SH3BP4: variants seen among roughly 807,000 people sequenced by gnomAD.
The protein encoded by SH3BP4 is SH3 domain-binding protein 4.
Under a neutral mutation model 65.5 loss-of-function variants are expected in SH3BP4, and 33 were observed. The observed-to-expected ratio is 0.50, with a 90% CI of 0.38 to 0.67. The LOEUF is 0.67. SH3BP4 is among the 30% of genes least tolerant of loss of function. The pLI, the probability that SH3BP4 is intolerant of heterozygous loss-of-function variation, is 0.00. For missense variants in SH3BP4, 1,134 were observed against 1,261.4 expected (o/e 0.90, Z 1.53); for synonymous variants, 552 against 545.5 (o/e 1.01, Z -0.17).
At position 235,041,338 on chromosome 2, in the gene SH3BP4, T is replaced by C; in HGVS notation, c.569T>C (p.Val190Ala). The C allele has an allele frequency of 6.2e-7, 1 of 1,614,226 alleles. No individual in the cohort carries two copies. The highest frequency in any genetic ancestry group is 8.5e-7 in the Non-Finnish European group (1 of 1,180,042). Reference sequence around the variant, plus strand: ...GATGAGCTGAATCCCAAAAGTACTGTGGATTTGCTCCTTTTTGACGCAGGT... The same window carrying C: ...GATGAGCTGAATCCCAAAAGTACTGCGGATTTGCTCCTTTTTGACGCAGGT... ...SLDELNPKST[V>A]DLLLFDAGTS... The change falls in exon 4 of 6, where the codon GTG (valine) becomes GCG (alanine). Residue 190 changes from valine to alanine, a missense_variant. Val to Ala is a moderately conservative substitution (Grantham distance 64, BLOSUM62 0). Transcript: ENST00000392011. The surrounding 1 kb of genome is among the most constrained non-coding windows in gnomAD (Gnocchi z 6.0).
At chr2:235,044,821 G>A (rs530390430) in intron 4 of SH3BP4, among the ~76,000 whole-genome samples, 2 of 152,218 alleles carry the variant, frequency 1.3e-5, no homozygotes, top group Admixed American at 6.5e-5. Context: ...GGCAGGAGTC[G>A]GGTGAGACCC....
rs146167673 is a variant in SH3BP4, at chr2:235,034,821, C to A, written c.-132-50C>A. ...CACTTCCCATAAAATTACCATTGAA[C>A]CCATGTTTCGCTTGCTTAAGGGACT... On this transcript the variant is annotated intron_variant, in intron 2 of 5. Coordinates refer to ENST00000392011, the MANE Select transcript of SH3BP4 (RefSeq NM_014521.3). The surrounding 1 kb of genome is among the most constrained non-coding windows in gnomAD (Gnocchi z 6.2). 4.4e-4 allele frequency: 256 copies of A among 587,856 alleles called. No individual in the cohort carries two copies. Among genetic ancestry groups the A allele is most frequent in the African/African-American group, 4.3e-3 (232 of 53,660 alleles). The allele number at this position is 587,856 out of a possible 1,614,324, so 36.4% of individuals were successfully genotyped here.
chr2:234,978,830 G>C lies in SH3BP4; in HGVS notation c.-206-16473G>C, dbSNP rs1360648107. ...TTTGAAACTGAAGGGCAAGAGGCTG[G>C]TGAGATCCGAGAGTCATGCCGCTGC... On this transcript the variant is annotated intron_variant, in intron 1 of 5. Coordinates refer to ENST00000392011, the MANE Select transcript of SH3BP4 (RefSeq NM_014521.3). This position sits in a 1 kb window ranked among gnomAD's most constrained non-coding sequence, Gnocchi z 4.1. The C allele has an allele frequency of 6.6e-6, 1 of 152,250 alleles. No homozygotes were observed. 9.4% of individuals were successfully genotyped at this position (152,250 alleles called of 1,614,324 possible).
Position 235,053,728 on chromosome 2 carries a change from T to C in SH3BP4, c.2804T>C (p.Leu935Pro), listed in dbSNP as rs1559263237. The C allele has an allele frequency of 1.2e-6, 2 of 1,614,186 alleles. No individual in the cohort carries two copies. Among genetic ancestry groups the C allele is most frequent in the Non-Finnish European group, 1.7e-6 (2 of 1,180,036 alleles). ...KNPITKRWKH[L>P]TGTLILVNSL... ...CCCATCACCAAGCGCTGGAAGCACC[T>C]CACTGGGACTCTGATCTTGGTGAAC... is the stretch of plus-strand genomic sequence containing the variant. The change falls in exon 6 of 6, where the codon CTC (leucine) becomes CCC (proline). Residue 935 changes from leucine (L) to proline (P), a missense_variant. Physicochemically the swap from Leu to Pro is moderately conservative, Grantham distance 98. Coordinates refer to ENST00000392011, the MANE Select transcript of SH3BP4 (RefSeq NM_014521.3).
chr2:235,011,054 C>T (rs1294456091), intron 2 of SH3BP4, among the ~76,000 whole-genome samples: 1 of 64,442 alleles, frequency 1.6e-5, no homozygotes, highest in Non-Finnish European at 2.5e-5. Context: ...AGAAACCTTC[C>T]TCCCTCTCCT....
At chr2:234,965,100 T>C (rs1692806214) in intron 1 of SH3BP4, among the ~76,000 whole-genome samples, 1 of 152,238 alleles carries the variant, frequency 6.6e-6, no homozygotes, top group South Asian at 2.1e-4. Flanking sequence ...TAAAAGTTAC[T>C]TTTATTACCC....
At chr2:234,964,374 A>C (rs1349758280) in intron 1 of SH3BP4, among the ~76,000 whole-genome samples, 1 of 152,040 alleles carries the variant, frequency 6.6e-6, no homozygotes, top group East Asian at 1.9e-4. Context: ...AATGCCTTTT[A>C]ATTCCTTGAC....
intron 2 of SH3BP4, among the ~76,000 whole-genome samples, chr2:234,996,779 G>A (rs978924251): frequency 2.4e-4 from 36 of 152,210 alleles, no homozygotes; most frequent in African/African-American, 7.7e-4. Context: ...GGGGTTGTGC[G>A]GCATGGTTCT....
intron 2 of SH3BP4, among the ~76,000 whole-genome samples, chr2:235,032,313 C>G (rs1695231809): frequency 6.6e-6 from 1 of 152,232 alleles, no homozygotes; most frequent in South Asian, 2.1e-4. Flanking sequence ...CAGGCAGGAA[C>G]TGTCACCGTC....
chr2:235,033,022 C>T lies in SH3BP4; in HGVS notation c.-132-1849C>T, dbSNP rs1392704943. Among the ~76,000 whole-genome samples the T allele has an allele frequency of 1.3e-5, 2 of 152,188 alleles. No individual in the cohort carries two copies. Among genetic ancestry groups the T allele is most frequent in the Non-Finnish European group, 2.9e-5 (2 of 68,022 alleles). ...GTGAGTGCTGGCCTCCACTCTGCCC[C>T]TCCTTACACTGCTGGGTAGGAGAGA... On this transcript the variant is annotated intron_variant, in intron 2 of 5. Coordinates refer to ENST00000392011, the MANE Select transcript of SH3BP4 (RefSeq NM_014521.3). This position sits in a 1 kb window ranked among gnomAD's most constrained non-coding sequence, Gnocchi z 5.7.
intron 2 of SH3BP4, among the ~76,000 whole-genome samples, chr2:235,006,041 G>GCCA (rs1468038702): frequency 5.4e-4 from 82 of 152,382 alleles, no homozygotes; most frequent in African/African-American, 1.9e-3. Flanking sequence ...TCTGGCCCCA[G>GCCA]CCACTAATCC....
At chr2:235,021,291 G>A (rs2106309648) in intron 2 of SH3BP4, among the ~76,000 whole-genome samples, 1 of 152,248 alleles carries the variant, frequency 6.6e-6, no homozygotes, top group South Asian at 2.1e-4. Flanking sequence ...GAGATGGTGG[G>A]AGACATTTTA....
intron 1 of SH3BP4, among the ~76,000 whole-genome samples, chr2:234,979,253 C>T (rs1693273704): frequency 6.6e-6 from 1 of 152,192 alleles, no homozygotes. Flanking sequence ...TCCCTTTGCC[C>T]CTCCCAATCC....
At position 234,999,170 on chromosome 2, in the gene SH3BP4, C is replaced by T. The variant is rs535706014; in HGVS notation, c.-133+3794C>T. ...AAAGAAACGTGAGCTGCACTCCCGG[C>T]GACACATTGGACTAAGAACGGCGCC... On this transcript the variant is annotated intron_variant, in intron 2 of 5. Coordinates refer to ENST00000392011, the MANE Select transcript of SH3BP4 (RefSeq NM_014521.3). Among the ~76,000 whole-genome samples the T allele has an allele frequency of 3.3e-5, 5 of 152,276 alleles. No individual in the cohort carries two copies. In the South Asian group the frequency reaches 1.0e-3, roughly 32 times the overall value.
intron 1 of SH3BP4, among the ~76,000 whole-genome samples, chr2:234,988,875 T>C (rs528105700): frequency 7.7e-4 from 117 of 152,222 alleles, no homozygotes; most frequent in African/African-American, 2.5e-3. Flanking sequence ...CTCTGTAAAA[T>C]TGGAAATTTT....
intron 2 of SH3BP4, among the ~76,000 whole-genome samples, chr2:234,996,194 C>T (rs1574803450): frequency 6.6e-6 from 1 of 152,322 alleles, no homozygotes; most frequent in African/African-American, 2.4e-5. Flanking sequence ...CGTTTGGATG[C>T]TCAAGGCCAA....
intron 1 of SH3BP4, among the ~76,000 whole-genome samples, chr2:234,985,359 A>T (rs73124251): frequency 0.012 from 1,764 of 152,246 alleles, 40 homozygotes; most frequent in African/African-American, 0.037. Context: ...GCTGTTTAGA[A>T]GAATATGGGA....
Position 235,043,262 on chromosome 2 carries a change from G to T in SH3BP4, c.2478+15G>T. On this transcript the variant is annotated intron_variant, in intron 4 of 5. Coordinates refer to ENST00000392011, the MANE Select transcript of SH3BP4 (RefSeq NM_014521.3). ...AGCTTGTGATGGTGAGTGCTCAGCA[G>T]GTGCCTGGGCGTTCAGGGGTGCTGC... 6.5e-7 allele frequency: 1 copy of T among 1,542,176 alleles called. No individual in the cohort carries two copies.
intron 1 of SH3BP4, among the ~76,000 whole-genome samples, chr2:234,988,337 G>A (rs1439394193): frequency 6.6e-6 from 1 of 152,146 alleles, no homozygotes; most frequent in East Asian, 1.9e-4. Flanking sequence ...GGGATTACAG[G>A]CGTGAGCCAC....
Sources: allele counts gnomAD v4.1 joint callset (sites outside exome capture counted in the v4.1 genomes callset), GRCh38; gene constraint gnomAD v4.1.1; non-coding constraint Gnocchi (gnomAD v3.1); transcripts MANE v1.5; gene names NCBI Gene and HGNC (gene_info 2026-07-23, HGNC 2026-07-21).